Variants in DACH1 observed in about 807,000 individuals in gnomAD.
The protein encoded by DACH1 is dachshund homolog 1.
A neutral mutation model predicts 54.2 loss-of-function variants in DACH1; 12 were observed. The ratio of observed to expected loss-of-function variants is 0.22; its 90% CI spans 0.14 to 0.36. The LOEUF is 0.36. DACH1 is among the 10% of genes least tolerant of loss of function. The probability of loss-of-function intolerance (pLI) is 1.00; values close to 1 mark genes in which losing one functional copy is unlikely to be tolerated. For synonymous variants in DACH1, 386 were observed against 366.2 expected (o/e 1.05, Z -0.62); for missense variants, 805 against 929.8 (o/e 0.87, Z 1.75).
chr13:71,475,129 G>A lies in DACH1; in HGVS notation c.2083+12C>T. ...GCAAGATCTAGATTTATAGCCTTCT[G>A]CAAATTCCTACCTTGTATTGTCCTT... On this transcript the variant is annotated intron_variant, in intron 10 of 10. Coordinates refer to ENST00000613252, the MANE Select transcript of DACH1 (RefSeq NM_080759.6). The A allele has an allele frequency of 6.2e-7, 1 of 1,612,578 alleles. No homozygotes were observed. The highest frequency in any genetic ancestry group is 8.5e-7 in the Non-Finnish European group (1 of 1,178,644).
chr13:71,461,752 A>G (rs1300819677), intron 10 of DACH1, among the ~76,000 whole-genome samples: 1 of 151,996 alleles, frequency 6.6e-6, no homozygotes, highest in Admixed American at 6.6e-5. Context: ...CTCTGGAGAA[A>G]TTTGGTAAGG....
intron 6 of DACH1, among the ~76,000 whole-genome samples, chr13:71,545,490 T>A (rs529265840): frequency 6.7e-6 from 1 of 149,848 alleles, no homozygotes; most frequent in East Asian, 2.0e-4. Context: ...ATCACGATTT[T>A]TAAATAAAGA....
At chr13:71,542,094 T>C (rs1470690848) in intron 6 of DACH1, among the ~76,000 whole-genome samples, 1 of 151,514 alleles carries the variant, frequency 6.6e-6, no homozygotes, top group Non-Finnish European at 1.5e-5. Context: ...TTAAAAATAC[T>C]AAAAAATTAG....
intron 1 of DACH1, among the ~76,000 whole-genome samples, chr13:71,818,534 A>T (rs748986727): frequency 6.6e-6 from 1 of 152,166 alleles, no homozygotes; most frequent in East Asian, 1.9e-4. Flanking sequence ...TAGGTTGTTA[A>T]TTATCATCTC....
chr13:71,635,393 TC>T (rs1877408221), intron 2 of DACH1, among the ~76,000 whole-genome samples: 1 of 152,120 alleles, frequency 6.6e-6, no homozygotes, highest in Non-Finnish European at 1.5e-5. Flanking sequence ...TCAAATCCCT[TC>T]CAATTTCCTG....
chr13:71,866,448 G>T lies in DACH1; in HGVS notation c.322C>A (p.Leu108Met). Residue 108 changes from leucine to methionine, a missense_variant, in exon 1 of 11, where the codon CTG (leucine) becomes ATG (methionine). By Grantham distance (15) the Leu-to-Met change is conservative (BLOSUM62 2). Transcript: ENST00000613252. Reference protein sequence around the residue: ...GGGGSNCNPNLAAASNGSGGG... With the variant: ...GGGGSNCNPNMAAASNGSGGG... Reference sequence around the variant, plus strand: ...CCGCTGCCGTTGCTCGCGGCCGCCAGGTTGGGGTTGCAGTTGCTGCCACCG... The same window carrying T: ...CCGCTGCCGTTGCTCGCGGCCGCCATGTTGGGGTTGCAGTTGCTGCCACCG... The T allele has an allele frequency of 1.5e-6, 2 of 1,372,424 alleles. No homozygotes were observed. The highest frequency in any genetic ancestry group is 1.5e-5 in the South Asian group (1 of 65,360). 85.0% of individuals were successfully genotyped at this position (1,372,424 alleles called of 1,614,324 possible). A position where few individuals can be genotyped will look rare whatever the true frequency, so the allele number is the denominator to read the frequency against.
At chr13:71,594,440 A>C in intron 3 of DACH1, among the ~76,000 whole-genome samples, 1 of 152,202 alleles carries the variant, frequency 6.6e-6, no homozygotes, top group East Asian at 1.9e-4. Context: ...ACATCAATGG[A>C]AATTTCTCTC....
intron 8 of DACH1, among the ~76,000 whole-genome samples, chr13:71,478,767 C>A (rs898411650): frequency 6.6e-6 from 1 of 152,072 alleles, no homozygotes; most frequent in African/African-American, 2.4e-5. Flanking sequence ...CTTAGTAAAC[C>A]TGCTTCACTT....
In DACH1 at chr13:71,552,133, G is replaced by T. The variant is rs185712267; in HGVS notation, c.1570+4891C>A. 9.2e-5 allele frequency among the ~76,000 whole-genome samples: 14 copies of T among 152,184 alleles called. No homozygotes were observed. In the East Asian group the frequency reaches 2.7e-3, roughly 29 times the overall value. On this transcript the variant is annotated intron_variant, in intron 6 of 10. Coordinates refer to ENST00000613252, the MANE Select transcript of DACH1 (RefSeq NM_080759.6). ...GAAAAGCCTTATCTGTAGGAGAAATGACATATCAAGAAAAAAATCTGTATA... is the reference window on the plus strand; with the variant it reads ...GAAAAGCCTTATCTGTAGGAGAAATTACATATCAAGAAAAAAATCTGTATA...
chr13:71,708,279 G>C (rs1381202001), intron 1 of DACH1, among the ~76,000 whole-genome samples: 1 of 152,096 alleles, frequency 6.6e-6, no homozygotes, highest in African/African-American at 2.4e-5. Flanking sequence ...TTAAAAGTAA[G>C]CTTGACTTGA....
At chr13:71,670,753 T>C (rs1258755839) in intron 2 of DACH1, among the ~76,000 whole-genome samples, 1 of 152,090 alleles carries the variant, frequency 6.6e-6, no homozygotes, top group African/African-American at 2.4e-5. Context: ...ATTACAATAA[T>C]ACTTTACCTT....
At chr13:71,656,752 TG>T (rs1472421865) in intron 2 of DACH1, among the ~76,000 whole-genome samples, 1 of 150,422 alleles carries the variant, frequency 6.6e-6, no homozygotes, top group African/African-American at 2.4e-5. Flanking sequence ...ATCTGTACCA[TG>T]GGAAAGAAGA....
At chr13:71,709,518 T>C (rs1488532736) in intron 1 of DACH1, among the ~76,000 whole-genome samples, 2 of 152,074 alleles carry the variant, frequency 1.3e-5, no homozygotes, top group East Asian at 3.9e-4. Context: ...ACTTAGTAAC[T>C]AACTCTTGTG....
At chr13:71,587,450 T>C (rs1466579635) in intron 3 of DACH1, among the ~76,000 whole-genome samples, 1 of 152,104 alleles carries the variant, frequency 6.6e-6, no homozygotes, top group Admixed American at 6.5e-5. Context: ...CATGATATAG[T>C]TTGTTAAAAC....
intron 6 of DACH1, among the ~76,000 whole-genome samples, chr13:71,537,550 A>T (rs1882886178): frequency 6.6e-6 from 1 of 152,142 alleles, no homozygotes; most frequent in Admixed American, 6.6e-5. Flanking sequence ...TGAAGGGAAA[A>T]AAGGCAGAAG....
At chr13:71,470,500 T>C (rs1876980344) in intron 10 of DACH1, among the ~76,000 whole-genome samples, 1 of 151,998 alleles carries the variant, frequency 6.6e-6, no homozygotes, top group Non-Finnish European at 1.5e-5. Context: ...GCCCATTTCT[T>C]ACATTTTTAG....
At chr13:71,741,008 A>C (rs1274851908) in intron 1 of DACH1, among the ~76,000 whole-genome samples, 1 of 152,180 alleles carries the variant, frequency 6.6e-6, no homozygotes, top group African/African-American at 2.4e-5. Flanking sequence ...GGCCCACATC[A>C]GCCCAGTAGC....
In DACH1 at chr13:71,569,397, C is replaced by T. The variant is rs1305707256; in HGVS notation, c.1299+3443G>A. Among the ~76,000 whole-genome samples, 3 of 152,092 alleles carry T rather than the reference C, an allele frequency of 2.0e-5. No homozygotes were observed. The East Asian group carries it at 5.8e-4, about 29-fold the overall frequency. On this transcript the variant is annotated intron_variant, in intron 4 of 10. Transcript: ENST00000613252. ...ATAAATTTAGATATGGCTCTGTCCC[C>T]AGAAAAAACTTTATTTACCAACACT...
intron 1 of DACH1, among the ~76,000 whole-genome samples, chr13:71,745,586 G>A (rs1263332559): frequency 2.0e-5 from 3 of 152,260 alleles, no homozygotes; most frequent in Middle Eastern, 3.4e-3. Context: ...ACGTGACATC[G>A]AGATTAAGAA....
Sources: allele counts gnomAD v4.1 joint callset (sites outside exome capture counted in the v4.1 genomes callset), GRCh38; gene constraint gnomAD v4.1.1; transcripts MANE v1.5; gene names NCBI Gene and HGNC (gene_info 2026-07-23, HGNC 2026-07-21).